GABRB3: variants seen among roughly 807,000 people sequenced by gnomAD.
GABRB3 encodes the protein gamma-aminobutyric acid type A receptor subunit beta3.
A neutral mutation model predicts 52.1 loss-of-function variants in GABRB3; 14 were observed. The ratio of observed to expected loss-of-function variants is 0.27; its 90% CI spans 0.18 to 0.42. The LOEUF is 0.42. Among genes scored for constraint, GABRB3 ranks in the 10% least tolerant of loss-of-function variants. The pLI is 1.00. For missense variants in GABRB3, 307 were observed against 609.1 expected, an observed-to-expected ratio of 0.50 and a Z score of 5.22; for synonymous variants, 260 against 232.3, an observed-to-expected ratio of 1.12 and a Z score of -1.08.
intron 3 of GABRB3, among the ~76,000 whole-genome samples, chr15:26,633,329 C>T (rs1041250224): frequency 1.3e-5 from 2 of 152,202 alleles, no homozygotes; most frequent in African/African-American, 4.8e-5. Flanking sequence ...CATCCTACTG[C>T]AGCTGACCCT....
At position 26,621,851 on chromosome 15, in the gene GABRB3, G is replaced by T. The variant is rs1892496207; in HGVS notation, c.241-317C>A. ...CGGGAAAAAGTCATCGTAAAATCAG[G>T]TTGCTGGCGGGGAACTAGATTGTTC... is the stretch of plus-strand genomic sequence containing the variant. On this transcript the variant is annotated intron_variant, in intron 3 of 8. Transcript: ENST00000311550. The surrounding 1 kb of genome is among the most constrained non-coding windows in gnomAD (Gnocchi z 4.1). 6.6e-6 allele frequency among the ~76,000 whole-genome samples: 1 copy of T among 152,052 alleles called. No individual in the cohort carries two copies. The highest frequency in any genetic ancestry group is 6.6e-5 in the Admixed American group (1 of 15,260).
intron 7 of GABRB3, among the ~76,000 whole-genome samples, chr15:26,562,198 C>T (rs532265875): frequency 6.6e-6 from 1 of 152,276 alleles, no homozygotes; most frequent in Admixed American, 6.5e-5. Context: ...ACGGATCACT[C>T]CCTTGTGGTA....
At chr15:26,580,761 ATTTAAAATGTATCTCAAC>A in intron 5 of GABRB3, 1 of 446,698 alleles carries the variant, frequency 2.2e-6, no homozygotes, top group Non-Finnish European at 4.2e-6. Flanking sequence ...ACAGAGATGA[ATTTAAAATGTATCTCAAC>A]TGCAATGAAT....
chr15:26,606,776 A>AGATAGATATATCTATC (rs1891822384), intron 4 of GABRB3, among the ~76,000 whole-genome samples: 6 of 118,406 alleles, frequency 5.1e-5, no homozygotes, highest in African/African-American at 2.1e-4. Flanking sequence ...ATCTATAGAT[A>AGATAGATATATCTATC]GATAGATATA....
At chr15:26,759,801 C>A (rs1176096204) in intron 3 of GABRB3, among the ~76,000 whole-genome samples, 1 of 152,106 alleles carries the variant, frequency 6.6e-6, no homozygotes, top group Non-Finnish European at 1.5e-5. Context: ...TTCTAAAAAA[C>A]CTGAATATGG....
At chr15:26,644,324 G>A (rs966039392) in intron 3 of GABRB3, among the ~76,000 whole-genome samples, 6 of 152,206 alleles carry the variant, frequency 3.9e-5, no homozygotes, top group African/African-American at 1.2e-4. Context: ...GAGATGAAGT[G>A]TTTACAGAGA....
intron 3 of GABRB3, among the ~76,000 whole-genome samples, chr15:26,719,593 G>A (rs559624199): frequency 6.6e-6 from 1 of 152,268 alleles, no homozygotes; most frequent in South Asian, 2.1e-4. Context: ...TATCATTCAA[G>A]CACAGTGTTT....
chr15:26,772,641 G>A, intron 2 of GABRB3, 40 bp downstream of exon 2: 1 of 1,508,894 alleles, frequency 6.6e-7, no homozygotes, highest in South Asian at 1.2e-5. Context: ...CCGCCGCCGT[G>A]GGTCGCGCTT....
At chr15:26,664,679 C>T (rs2140618385) in intron 3 of GABRB3, among the ~76,000 whole-genome samples, 1 of 149,716 alleles carries the variant, frequency 6.7e-6, no homozygotes, top group Non-Finnish European at 1.5e-5. Flanking sequence ...CACCTCAAGC[C>T]CTTATCATTT....
At chr15:26,700,314 C>CTCTA (rs930574940) in intron 3 of GABRB3, among the ~76,000 whole-genome samples, 2 of 152,118 alleles carry the variant, frequency 1.3e-5, no homozygotes, top group Non-Finnish European at 2.9e-5. Context: ...ATGAATAAAC[C>CTCTA]TCTATCTATC....
chr15:26,547,479 A>T lies in GABRB3; in HGVS notation c.*314T>A. On this transcript the variant is annotated 3_prime_UTR_variant, in exon 9 of 9. Transcript: ENST00000311550. ...CTTGTCCCTTTCAATTAAAAAAGAA[A>T]AAAACTATGACTTTCTTTAATATGC... 1 of 488,298 alleles carries T rather than the reference A, an allele frequency of 2.0e-6. No individual in the cohort carries two copies. The highest frequency in any genetic ancestry group is 3.6e-6 in the Non-Finnish European group (1 of 279,798). The allele number at this position is 488,298 out of a possible 1,614,324, so 30.2% of individuals were successfully genotyped here. A position where few individuals can be genotyped will look rare whatever the true frequency, so the allele number is the denominator to read the frequency against.
intron 4 of GABRB3, among the ~76,000 whole-genome samples, chr15:26,603,445 A>G (rs561137395): frequency 1.3e-5 from 2 of 152,044 alleles, no homozygotes; most frequent in Non-Finnish European, 2.9e-5. Context: ...AGAAAAATAT[A>G]TACAAAAACA....
intron 3 of GABRB3, among the ~76,000 whole-genome samples, chr15:26,675,460 T>A (rs1888037820): frequency 6.6e-6 from 1 of 152,044 alleles, no homozygotes; most frequent in Non-Finnish European, 1.5e-5. Context: ...TGTGTGTGAG[T>A]GTGTGTGCGT....
chr15:26,595,283 G>C (rs769429083), intron 4 of GABRB3, among the ~76,000 whole-genome samples: 1 of 152,126 alleles, frequency 6.6e-6, no homozygotes, highest in African/African-American at 2.4e-5. Flanking sequence ...GCATCCTCCA[G>C]ACAGTTTAGA....
intron 3 of GABRB3, among the ~76,000 whole-genome samples, chr15:26,768,985 A>G (rs577273471): frequency 6.6e-6 from 1 of 152,350 alleles, no homozygotes; most frequent in South Asian, 2.1e-4. Flanking sequence ...ATGCATTTAC[A>G]TGCTTAACTG....
chr15:26,545,194 T>TTGTGTGTG lies in GABRB3; in HGVS notation c.*2591_*2598dup, dbSNP rs10569776. The TTGTGTGTG allele has an allele frequency of 5.7e-4, 86 of 149,836 alleles. No individual in the cohort carries two copies. Among genetic ancestry groups the TTGTGTGTG allele is most frequent in the African/African-American group, 2.1e-3 (84 of 40,858 alleles). The allele number at this position is 149,836 out of a possible 1,614,324, so 9.3% of individuals were successfully genotyped here. A position where few individuals can be genotyped will look rare whatever the true frequency, so the allele number is the denominator to read the frequency against. ...GTTTTTACAGAATATATGTATGTATTTGTGTGTGTGTGTGTGTGTGTGTGT... is the reference window on the plus strand; with the variant it reads ...GTTTTTACAGAATATATGTATGTATTTGTGTGTGTGTGTGTGTGTGTGTGTGTGTGTGT... On this transcript the variant is annotated 3_prime_UTR_variant, in exon 9 of 9. Transcript: ENST00000311550.
chr15:26,751,434 T>C (rs1272197478), intron 3 of GABRB3, among the ~76,000 whole-genome samples: 1 of 152,096 alleles, frequency 6.6e-6, no homozygotes, highest in Non-Finnish European at 1.5e-5. Context: ...CCAGCAGTAA[T>C]AACAGTGCAG....
chr15:26,630,023 G>T (rs185130618), intron 3 of GABRB3, among the ~76,000 whole-genome samples: 55 of 152,068 alleles, frequency 3.6e-4, no homozygotes, highest in African/African-American at 1.3e-3. Context: ...CTGGCACCCC[G>T]CAACCCTCCA....
chr15:26,674,846 A>AGG (rs1191302791), intron 3 of GABRB3, among the ~76,000 whole-genome samples: 4 of 152,236 alleles, frequency 2.6e-5, no homozygotes, highest in Non-Finnish European at 5.9e-5. Context: ...GAGAAGGGCA[A>AGG]GGCTTACAGG....
Sources: gnomAD v4.1 joint callset for allele counts (sites outside exome capture counted in the v4.1 genomes callset) on GRCh38, gnomAD v4.1.1 for gene constraint, Gnocchi (gnomAD v3.1) non-coding constraint, MANE v1.5 for transcripts, NCBI Gene and HGNC (gene_info 2026-07-23, HGNC 2026-07-21) for gene names.